The following SLC22A23 variants were observed in gnomAD, a reference collection of about 807,000 sequenced individuals.
SLC22A23 encodes the protein ion transporter protein.
In SLC22A23, 26 loss-of-function variants were observed where a neutral mutation model predicts 61.0. The observed-to-expected ratio is 0.43, with a 90% CI of 0.31 to 0.59. The LOEUF (loss-of-function observed/expected upper bound fraction) is 0.59. Ranked by LOEUF, SLC22A23 falls within the 20% of genes least tolerant of loss-of-function variation. The pLI is 0.11. For missense variants in SLC22A23, 796 were observed against 934.7 expected (o/e 0.85, Z 1.94); for synonymous variants, 430 against 413.9 (o/e 1.04, Z -0.47).
chr6:3,434,610 A>G (rs960504524), intron 1 of SLC22A23, among the ~76,000 whole-genome samples: 2 of 109,476 alleles, frequency 1.8e-5, no homozygotes, highest in Admixed American at 8.4e-5. Context: ...CTCCATCTCA[A>G]AAAAAAAAAA....
At chr6:3,382,940 G>A (rs1021051496) in intron 3 of SLC22A23, among the ~76,000 whole-genome samples, 2 of 152,118 alleles carry the variant, frequency 1.3e-5, no homozygotes, top group African/African-American at 4.8e-5. Context: ...CAGACCAAAG[G>A]GTATGCACTT....
intron 3 of SLC22A23, among the ~76,000 whole-genome samples, chr6:3,353,465 T>C (rs1292416506): frequency 1.3e-5 from 2 of 152,202 alleles, no homozygotes; most frequent in African/African-American, 4.8e-5. Flanking sequence ...TCCCACTCAA[T>C]GGGAAATGCC....
intron 8 of SLC22A23, 121 bp from the exon 9 acceptor site, chr6:3,284,096 A>G: frequency 9.9e-7 from 1 of 1,015,106 alleles, no homozygotes; most frequent in Non-Finnish European, 1.4e-6. Context: ...ATGGATGGGT[A>G]TGCAATTCCC....
chr6:3,285,127 T>C lies in SLC22A23; in HGVS notation c.1547-16A>G, dbSNP rs1261089815. On this transcript the variant is annotated splice_polypyrimidine_tract_variant and intron_variant, in intron 7 of 9. Coordinates refer to ENST00000406686, the MANE Select transcript of SLC22A23 (RefSeq NM_015482.2). ...TTTCCAATCACTGGACCCGCAGACA[T>C]GATCGCACCCACACGGACAAGGGCC... 2 of 1,613,188 alleles carry C rather than the reference T, an allele frequency of 1.2e-6. No homozygotes were observed. The highest frequency in any genetic ancestry group is 1.3e-5 in the African/African-American group (1 of 74,884).
chr6:3,363,013 T>C (rs1392654852), intron 3 of SLC22A23, among the ~76,000 whole-genome samples: 1 of 152,192 alleles, frequency 6.6e-6, no homozygotes, highest in Non-Finnish European at 1.5e-5. Context: ...TTGATCTGCA[T>C]TCCCACTTGA....
At chr6:3,391,557 TTCA>T (rs1336950022) in intron 3 of SLC22A23, among the ~76,000 whole-genome samples, 1 of 152,242 alleles carries the variant, frequency 6.6e-6, no homozygotes, top group Admixed American at 6.5e-5. Context: ...AATTCATTCA[TTCA>T]TCAAACTAGT....
intron 9 of SLC22A23, among the ~76,000 whole-genome samples, chr6:3,275,950 A>T (rs183023554): frequency 3.9e-5 from 6 of 152,256 alleles, no homozygotes; most frequent in Non-Finnish European, 8.8e-5. Context: ...GCTCATGCCC[A>T]AAGAGGCTTG....
At chr6:3,280,775 C>T (rs1364684571) in intron 9 of SLC22A23, among the ~76,000 whole-genome samples, 5 of 152,148 alleles carry the variant, frequency 3.3e-5, no homozygotes, top group East Asian at 3.9e-4. Context: ...GGATTACAGG[C>T]GTGAGCCACC....
chr6:3,284,868 A>C (rs1370850250), intron 8 of SLC22A23: 2 of 1,525,740 alleles, frequency 1.3e-6, no homozygotes, highest in Admixed American at 3.9e-5. Context: ...GCACACAAAC[A>C]GGGAAGCACC....
At position 3,429,737 on chromosome 6, in the gene SLC22A23, A is replaced by G. The variant is rs1770737362; in HGVS notation, c.655-13882T>C. On this transcript the variant is annotated intron_variant, in intron 1 of 9. Coordinates refer to ENST00000406686, the MANE Select transcript of SLC22A23 (RefSeq NM_015482.2). ...TTATTTAGCCTGCAAAAGGGAGGAA[A>G]TTCTGACACATGCTACACATGGATG... Among the ~76,000 whole-genome samples, 3 of 152,238 alleles carry G rather than the reference A, an allele frequency of 2.0e-5. 1 individual carries two copies. The South Asian group carries it at 6.2e-4, about 31-fold the overall frequency.
At chr6:3,380,811 G>A (rs1026494552) in intron 3 of SLC22A23, among the ~76,000 whole-genome samples, 5 of 152,050 alleles carry the variant, frequency 3.3e-5, no homozygotes, top group Non-Finnish European at 7.4e-5. Flanking sequence ...AGGGCTGGTG[G>A]GTCTCTGCTT....
intron 3 of SLC22A23, among the ~76,000 whole-genome samples, chr6:3,398,923 G>T (rs1344553962): frequency 1.3e-5 from 2 of 152,148 alleles, no homozygotes; most frequent in African/African-American, 4.8e-5. Context: ...CTGATACTCA[G>T]GAGGCTGAGG....
intron 3 of SLC22A23, among the ~76,000 whole-genome samples, chr6:3,348,170 A>T (rs1390411623): frequency 6.6e-6 from 1 of 152,124 alleles, no homozygotes; most frequent in Non-Finnish European, 1.5e-5. Flanking sequence ...CTTCAGTCCC[A>T]ACCCTCTAAT....
At chr6:3,368,398 T>C (rs1561930307) in intron 3 of SLC22A23, among the ~76,000 whole-genome samples, 1 of 152,316 alleles carries the variant, frequency 6.6e-6, no homozygotes, top group East Asian at 1.9e-4. Context: ...TGAAACTCTA[T>C]GCATGTGTGC....
intron 4 of SLC22A23, among the ~76,000 whole-genome samples, chr6:3,319,956 G>A (rs932053359): frequency 1.3e-5 from 2 of 152,206 alleles, no homozygotes; most frequent in East Asian, 1.9e-4. Context: ...AAGGCAGTCC[G>A]CCAGCTCTGG....
At chr6:3,290,596 T>G (rs1760492465) in intron 5 of SLC22A23, 1 of 153,194 alleles carries the variant, frequency 6.5e-6, no homozygotes, top group African/African-American at 2.4e-5. Flanking sequence ...GAGTTTCTTG[T>G]GCGGCTCCAG....
Position 3,410,375 on chromosome 6 carries a change from T to G in SLC22A23, c.759-33A>C. ...TGGAGAGGGAAAAAGTTAGGAATCA[T>G]TGTGAAACAAGACAATGACGCTAGA... On this transcript the variant is annotated intron_variant, in intron 2 of 9. Coordinates refer to ENST00000406686, the MANE Select transcript of SLC22A23 (RefSeq NM_015482.2). The surrounding 1 kb of genome is among the most constrained non-coding windows in gnomAD (Gnocchi z 5.0). 6.5e-7 allele frequency: 1 copy of G among 1,547,218 alleles called. No homozygotes were observed. The highest frequency in any genetic ancestry group is 8.7e-7 in the Non-Finnish European group (1 of 1,145,970).
At chr6:3,396,133 G>A (rs1020787353) in intron 3 of SLC22A23, among the ~76,000 whole-genome samples, 3 of 152,214 alleles carry the variant, frequency 2.0e-5, no homozygotes, top group African/African-American at 7.2e-5. Context: ...AGTGATATAC[G>A]GAAGGGAAGT....
At chr6:3,366,882 A>C (rs1014245377) in intron 3 of SLC22A23, among the ~76,000 whole-genome samples, 1 of 152,178 alleles carries the variant, frequency 6.6e-6, no homozygotes, top group Non-Finnish European at 1.5e-5. Context: ...TCCTCCACTC[A>C]AAATGAAAAC....
Sources: allele counts gnomAD v4.1 joint callset (sites outside exome capture counted in the v4.1 genomes callset), GRCh38; gene constraint gnomAD v4.1.1; non-coding constraint Gnocchi (gnomAD v3.1); transcripts MANE v1.5; gene names NCBI Gene and HGNC (gene_info 2026-07-23, HGNC 2026-07-21).